Variants in DNAAF3 observed in about 807,000 individuals in gnomAD.
The protein encoded by DNAAF3 is dynein axonemal assembly factor 3, also known as UPF0470 protein C19orf51.
In DNAAF3, 40 loss-of-function variants were observed where a neutral mutation model predicts 50.9. The observed-to-expected ratio is 0.79, with a 90% CI of 0.61 to 1.02. The LOEUF (loss-of-function observed/expected upper bound fraction) is 1.02, where lower values mean the gene tolerates loss of function less well. Among genes scored for constraint, DNAAF3 ranks in the 50% least tolerant of loss-of-function variants. The pLI, the probability that DNAAF3 is intolerant of heterozygous loss-of-function variation, is 0.00. For synonymous variants in DNAAF3, 327 were observed against 322.8 expected, an observed-to-expected ratio of 1.01 and a Z score of -0.14; for missense variants, 763 against 744.7, an observed-to-expected ratio of 1.02 and a Z score of -0.29.
Position 55,165,476 on chromosome 19 carries a change from A to G in DNAAF3, c.229-13T>C, listed in dbSNP as rs757894297. On this transcript the variant is annotated splice_polypyrimidine_tract_variant and intron_variant, in intron 3 of 11. Coordinates refer to ENST00000524407, the MANE Select transcript of DNAAF3 (RefSeq NM_001256715.2). The stretch of plus-strand genomic sequence containing the variant: ...CCAGCACAAAGAACTAGAAGGATGG[A>G]CAGGGCAGAATAATTCTGAGACCTG... 13 of 1,613,662 alleles carry G rather than the reference A, an allele frequency of 8.1e-6. No individual in the cohort carries two copies.
Position 55,159,254 on chromosome 19 carries a change from G to C in DNAAF3, c.1434C>G (p.Ile478Met). ...AVEPGTPPLD[I>M]LAQPLEASNP... Reference sequence around the variant, plus strand: ...TGCTGGCTTCAAGAGGCTGGGCCAGGATGTCAAGGGGCGGAGTTCCGGGTT... The same window carrying C: ...TGCTGGCTTCAAGAGGCTGGGCCAGCATGTCAAGGGGCGGAGTTCCGGGTT... The change falls in exon 12 of 12, where the codon ATC becomes ATG. Residue 478 changes from isoleucine (I) to methionine (M), a missense_variant. Coordinates refer to ENST00000524407, the MANE Select transcript of DNAAF3 (RefSeq NM_001256715.2). The C allele has an allele frequency of 6.2e-7, 1 of 1,614,028 alleles. No individual in the cohort carries two copies. The highest frequency in any genetic ancestry group is 8.5e-7 in the Non-Finnish European group (1 of 1,180,040).
At position 55,160,758 on chromosome 19, in the gene DNAAF3, A is replaced by C. The variant is rs1255218762; in HGVS notation, c.930T>G (p.Thr310=). Residue 310 remains threonine (T), a synonymous_variant, in exon 9 of 12, where the codon ACT becomes ACG. Coordinates refer to ENST00000524407, the MANE Select transcript of DNAAF3 (RefSeq NM_001256715.2). This position sits in a 1 kb window ranked among gnomAD's most constrained non-coding sequence, Gnocchi z 4.7. The part of the protein sequence containing the change: ...GQPVKTAGEI[T]QHNVTELLRD... ...GGAGCAGCTCCGTCACGTTGTGTTG[A>C]GTGATCTCCCCGGCCGTCTAACAGT... 1.2e-6 allele frequency: 2 copies of C among 1,611,406 alleles called. No homozygotes were observed. The highest frequency in any genetic ancestry group is 1.1e-5 in the South Asian group (1 of 91,016).
Position 55,160,958 on chromosome 19 carries a change from C to A in DNAAF3, c.912+107G>T. On this transcript the variant is annotated intron_variant, in intron 8 of 11. Transcript: ENST00000524407. This position sits in a 1 kb window ranked among gnomAD's most constrained non-coding sequence, Gnocchi z 4.7. ...GAATGGAGTCGTTCCCACCAAGCGACGGGCGGGGTCTGGAGCTGGGGGCGG... is the reference window on the plus strand; with the variant it reads ...GAATGGAGTCGTTCCCACCAAGCGAAGGGCGGGGTCTGGAGCTGGGGGCGG... 6.9e-7 allele frequency: 1 copy of A among 1,451,402 alleles called. No homozygotes were observed. The allele number at this position is 1,451,402 out of a possible 1,614,324, so 89.9% of individuals were successfully genotyped here.
rs769441334 is a variant in DNAAF3 at position 55,166,036 on chromosome 19, G to GT, written c.86-37dup. 2 of 1,614,148 alleles carry GT rather than the reference G, an allele frequency of 1.2e-6. No homozygotes were observed. Among genetic ancestry groups the GT allele is most frequent in the Admixed American group, 3.3e-5 (2 of 60,012 alleles). Reference sequence around the variant, plus strand: ...GACAGCTGGCTGGGGCACCATGGTGGTTGGCAGAGCGTCCACCGTAGCATC... The same window carrying GT: ...GACAGCTGGCTGGGGCACCATGGTGGTTTGGCAGAGCGTCCACCGTAGCATC... On this transcript the variant is annotated intron_variant, in intron 2 of 11. Transcript: ENST00000524407. This position sits in a 1 kb window ranked among gnomAD's most constrained non-coding sequence, Gnocchi z 4.0.
Position 55,165,919 on chromosome 19 carries a change from T to C in DNAAF3, c.167A>G (p.Asp56Gly), listed in dbSNP as rs910883252. The C allele has an allele frequency of 1.2e-6, 2 of 1,614,052 alleles. No individual in the cohort carries two copies. The highest frequency in any genetic ancestry group is 1.7e-6 in the Non-Finnish European group (2 of 1,180,040). Residue 56 changes from aspartate (D) to glycine (G), a missense_variant, in exon 3 of 12, where the codon GAT becomes GGT. By Grantham distance (94) the Asp-to-Gly change is moderately conservative. Transcript: ENST00000524407. ...ELDVLLLGSVDGRHLLRTLSR... is the reference protein window; with the variant it reads ...ELDVLLLGSVGGRHLLRTLSR... ...CAGGGTCCGCAGCAGGTGCCGTCCA[T>C]CCACAGAGCCCAGAAGCAGCACATC...
Position 55,160,755 on chromosome 19 carries a change from T to C in DNAAF3, c.933A>G (p.Gln311=). 6.2e-7 allele frequency: 1 copy of C among 1,611,624 alleles called. No homozygotes were observed. Among genetic ancestry groups the C allele is most frequent in the African/African-American group, 1.3e-5 (1 of 75,040 alleles). Residue 311 remains glutamine, a synonymous_variant, in exon 9 of 12, where the codon CAA becomes CAG. Transcript: ENST00000524407. The surrounding 1 kb of genome is among the most constrained non-coding windows in gnomAD (Gnocchi z 4.7). ...QPVKTAGEIT[Q]HNVTELLRDV... ...CGCGGAGCAGCTCCGTCACGTTGTG[T>C]TGAGTGATCTCCCCGGCCGTCTAAC...
chr19:55,161,724 C>A lies in DNAAF3; in HGVS notation c.582G>T (p.Leu194=). The stretch of plus-strand genomic sequence containing the variant: ...CGTAGCGGGAGCCCAGGTAGTGGCG[C>A]AGGCGCGAGTCCCAGAGGCGGCTCA... ...FPMSRLWDSR[L]RHYLGSRYDA... is the part of the protein sequence containing the mutation. Residue 194 remains leucine, a synonymous_variant, in exon 6 of 12, where the codon CTG becomes CTT. Coordinates refer to ENST00000524407, the MANE Select transcript of DNAAF3 (RefSeq NM_001256715.2). This position sits in a 1 kb window ranked among gnomAD's most constrained non-coding sequence, Gnocchi z 6.4. 1.3e-6 allele frequency: 2 copies of A among 1,540,746 alleles called. No individual in the cohort carries two copies. Among genetic ancestry groups the A allele is most frequent in the Non-Finnish European group, 8.7e-7 (1 of 1,146,118 alleles).
Position 55,160,560 on chromosome 19 carries a change from A to C in DNAAF3, c.1048+80T>G. 6.3e-7 allele frequency: 1 copy of C among 1,597,724 alleles called. No individual in the cohort carries two copies. The highest frequency in any genetic ancestry group is 1.4e-5 in the African/African-American group (1 of 74,038). On this transcript the variant is annotated intron_variant, in intron 9 of 11. Transcript: ENST00000524407. The surrounding 1 kb of genome is among the most constrained non-coding windows in gnomAD (Gnocchi z 4.7). ...AAGCCGTCACTTGCCCAGGCATTCC[A>C]AATCATGTCAGTCCACACTCCAGTG...
rs1024122510 is a variant in DNAAF3, at chr19:55,160,525, G to C, written c.1048+115C>G. On this transcript the variant is annotated intron_variant, in intron 9 of 11. Transcript: ENST00000524407. This position sits in a 1 kb window ranked among gnomAD's most constrained non-coding sequence, Gnocchi z 4.7. ...GGAGAGAAAGAGAGAAAAAGAGACA[G>C]AATATCAAGAAGCCGTCACTTGCCC... is the stretch of plus-strand genomic sequence containing the variant. 2.6e-6 allele frequency: 4 copies of C among 1,525,612 alleles called. No homozygotes were observed. The East Asian group carries it at 6.8e-5, about 26-fold the overall frequency. The allele number at this position is 1,525,612 out of a possible 1,614,324, so 94.5% of individuals were successfully genotyped here. A position where few individuals can be genotyped will look rare whatever the true frequency, so the allele number is the denominator to read the frequency against.
In DNAAF3 at chr19:55,162,159, G is replaced by T; in HGVS notation, c.454C>A (p.Pro152Thr). The T allele has an allele frequency of 8.0e-7, 1 of 1,252,648 alleles. No individual in the cohort carries two copies. The allele number at this position is 1,252,648 out of a possible 1,614,324, so 77.6% of individuals were successfully genotyped here. A position where few individuals can be genotyped will look rare whatever the true frequency, so the allele number is the denominator to read the frequency against. ...TTGAGGGCGCGGAGGCTGAGCCAGG[G>T]CAGCTGTTCCTCCAGGCGGTCGGGC... is the stretch of plus-strand genomic sequence containing the variant. Reference protein sequence around the residue: ...PEPDRLEEQLPWLSLRALKFR... With the variant: ...PEPDRLEEQLTWLSLRALKFR... Residue 152 changes from proline (P) to threonine (T), a missense_variant, in exon 5 of 12, where the codon CCC becomes ACC. Coordinates refer to ENST00000524407, the MANE Select transcript of DNAAF3 (RefSeq NM_001256715.2).
At chr19:55,164,673 T>C (rs911369089) in intron 4 of DNAAF3, among the ~76,000 whole-genome samples, 1 of 151,780 alleles carries the variant, frequency 6.6e-6, no homozygotes, top group Non-Finnish European at 1.5e-5. Context: ...TACAGGCGCC[T>C]GCCACCACAC....
At position 55,161,101 on chromosome 19, in the gene DNAAF3, C is replaced by T; in HGVS notation, c.876G>A (p.Glu292=). 1 of 1,544,468 alleles carries T rather than the reference C, an allele frequency of 6.5e-7. No homozygotes were observed. Among genetic ancestry groups the T allele is most frequent in the Non-Finnish European group, 8.7e-7 (1 of 1,146,624 alleles). ...GGCCGTTGCTCGTCCGCAGGAGGCT[C>T]TCGTCGTCCGCTTCGATGCCGAAGG... is the stretch of plus-strand genomic sequence containing the variant. ...FVAFGIEADD[E]SLLRTSNGQP... The change falls in exon 8 of 12, where the codon GAG becomes GAA. Residue 292 remains glutamate, a synonymous_variant. Coordinates refer to ENST00000524407, the MANE Select transcript of DNAAF3 (RefSeq NM_001256715.2). The surrounding 1 kb of genome is among the most constrained non-coding windows in gnomAD (Gnocchi z 6.4).
In DNAAF3 at chr19:55,160,848, T is replaced by G; in HGVS notation, c.913-73A>C. On this transcript the variant is annotated intron_variant, in intron 8 of 11. Coordinates refer to ENST00000524407, the MANE Select transcript of DNAAF3 (RefSeq NM_001256715.2). This position sits in a 1 kb window ranked among gnomAD's most constrained non-coding sequence, Gnocchi z 4.7. ...GCGGGGCTTAGAACGCTGGGAGTCC[T>G]CGGTCCAGGACTAGAACTCCCGCAG... is the stretch of plus-strand genomic sequence containing the variant. 1.3e-6 allele frequency: 2 copies of G among 1,552,876 alleles called. No homozygotes were observed. The highest frequency in any genetic ancestry group is 1.7e-6 in the Non-Finnish European group (2 of 1,158,580).
At chr19:55,165,302 A>T in intron 4 of DNAAF3, 68 bp downstream of exon 4, 2 of 1,452,806 alleles carry the variant, frequency 1.4e-6, no homozygotes, top group South Asian at 2.3e-5. Context: ...GTACCATTGA[A>T]ATGCCAGAAT....
intron 11 of DNAAF3, 41 bp from the exon 12 acceptor site, chr19:55,159,490 TCC>T: frequency 6.2e-7 from 1 of 1,603,078 alleles, no homozygotes; most frequent in South Asian, 1.1e-5. Context: ...CAGATTTTGA[TCC>T]CCAGCCAGGA....
At chr19:55,163,209 C>CT (rs1270806422) in intron 4 of DNAAF3, among the ~76,000 whole-genome samples, 1 of 150,962 alleles carries the variant, frequency 6.6e-6, no homozygotes, top group South Asian at 2.1e-4. Context: ...CGGGGTTTCA[C>CT]GTGTTAGCCA....
In DNAAF3 at chr19:55,161,156, C is replaced by T; in HGVS notation, c.821G>A (p.Trp274Ter). Reference protein sequence around the residue: ...RGERVAARGYWGDIATGPFVA... With the variant: ...RGERVAARGY The stretch of plus-strand genomic sequence containing the variant: ...GAAGGGCCCCGTGGCGATGTCCCCC[C>T]AGTACCCGCGCGCTGCCACGCGCTC... Residue 274 changes from tryptophan to a stop codon, truncating the protein, a stop_gained, in exon 8 of 12, where the codon TGG (tryptophan) becomes TAG (stop). Transcript: ENST00000524407. LOFTEE classifies it high-confidence loss of function. The surrounding 1 kb of genome is among the most constrained non-coding windows in gnomAD (Gnocchi z 6.4). The T allele has an allele frequency of 6.4e-7, 1 of 1,558,252 alleles. No individual in the cohort carries two copies. Among genetic ancestry groups the T allele is most frequent in the Non-Finnish European group, 8.7e-7 (1 of 1,152,268 alleles).
intron 4 of DNAAF3, among the ~76,000 whole-genome samples, chr19:55,163,163 C>T (rs1291435028): frequency 6.6e-6 from 1 of 151,652 alleles, no homozygotes; most frequent in East Asian, 1.9e-4. Context: ...GCGCCCGCCA[C>T]CACACCCGGC....
chr19:55,164,011 C>T (rs1422615495), intron 4 of DNAAF3, among the ~76,000 whole-genome samples: 1 of 152,106 alleles, frequency 6.6e-6, no homozygotes, highest in Admixed American at 6.5e-5. Context: ...TAGTGAGTTC[C>T]CACAAAATCT....
Sources: allele counts gnomAD v4.1 joint callset (sites outside exome capture counted in the v4.1 genomes callset), GRCh38; gene constraint gnomAD v4.1.1; non-coding constraint Gnocchi (gnomAD v3.1); transcripts MANE v1.5; gene names NCBI Gene and HGNC (gene_info 2026-07-23, HGNC 2026-07-21).